Variants in PDE1C observed in about 807,000 individuals in gnomAD.
PDE1C encodes phosphodiesterase 1C.
PDE1C carries 62 observed loss-of-function variants against 93.1 expected under a neutral mutation model. That is an observed-to-expected ratio of 0.67 (90% CI 0.54 to 0.82). The LOEUF is 0.82. Among genes scored for constraint, PDE1C ranks in the 40% least tolerant of loss-of-function variants. The pLI, the probability that PDE1C is intolerant of heterozygous loss-of-function variation, is 0.00. For missense variants in PDE1C, 742 were observed against 884.6 expected (o/e 0.84, Z 2.04); for synonymous variants, 325 against 310.1 (o/e 1.05, Z -0.50).
chr7:32,327,268 T>C (rs1186483284), intron 1 of PDE1C, among the ~76,000 whole-genome samples: 2 of 152,188 alleles, frequency 1.3e-5, no homozygotes, highest in Admixed American at 6.5e-5. Context: ...AAGCATAACA[T>C]GTGCATAGAG....
At chr7:31,905,145 T>C (rs2055967688) in intron 2 of PDE1C, among the ~76,000 whole-genome samples, 1 of 152,154 alleles carries the variant, frequency 6.6e-6, no homozygotes, top group African/African-American at 2.4e-5. Flanking sequence ...CATTGTGCCA[T>C]ACAGTATTCT....
chr7:31,907,491 G>A (rs1800747463), intron 2 of PDE1C, among the ~76,000 whole-genome samples: 1 of 152,112 alleles, frequency 6.6e-6, no homozygotes, highest in African/African-American at 2.4e-5. Flanking sequence ...TGTGAGCAAC[G>A]ATGGGAATGT....
intron 1 of PDE1C, among the ~76,000 whole-genome samples, chr7:32,226,202 A>G (rs1050012767): frequency 4.6e-5 from 7 of 152,172 alleles, no homozygotes; most frequent in African/African-American, 1.7e-4. Flanking sequence ...CCCCGTCTCT[A>G]TCTGTCTGGC....
rs528734970 is a variant in PDE1C, at chr7:32,166,227, G to A, written c.308+3558C>T. Among the ~76,000 whole-genome samples the A allele has an allele frequency of 1.6e-3, 249 of 152,214 alleles. 2 individuals are homozygous for A. Among genetic ancestry groups the A allele is most frequent in the African/African-American group, 5.8e-3 (242 of 41,548 alleles). ...GGTGGTGGGGGAGAGAAAAACAGAG[G>A]TTTGAAGAAATGAAGTAATTCGCCG... On this transcript the variant is annotated intron_variant, in intron 3 of 18. Transcript: ENST00000396193.
At chr7:32,132,206 A>G (rs1287607916) in intron 3 of PDE1C, among the ~76,000 whole-genome samples, 1 of 152,162 alleles carries the variant, frequency 6.6e-6, no homozygotes, top group Non-Finnish European at 1.5e-5. Context: ...AGAAAGCAGC[A>G]GAGCTGGAGC....
At chr7:32,373,397 A>C (rs1220102478) in intron 1 of PDE1C, among the ~76,000 whole-genome samples, 2 of 152,220 alleles carry the variant, frequency 1.3e-5, no homozygotes, top group East Asian at 3.8e-4. Context: ...ATTTGTATGA[A>C]ATGTCTAGAA....
chr7:31,677,515 T>C, the PDE1C span, among the ~76,000 whole-genome samples: 1 of 152,166 alleles, frequency 6.6e-6, no homozygotes. Context: ...TGAACATAAT[T>C]CATCATACTA....
intron 2 of PDE1C, among the ~76,000 whole-genome samples, chr7:32,187,562 A>C (rs914416105): frequency 2.0e-5 from 3 of 150,006 alleles, no homozygotes; most frequent in African/African-American, 7.6e-5. Flanking sequence ...TTCTAATTTT[A>C]TGTCCAATAA....
At chr7:32,185,537 GT>G (rs1803795727) in intron 2 of PDE1C, among the ~76,000 whole-genome samples, 1 of 152,056 alleles carries the variant, frequency 6.6e-6, no homozygotes, top group Non-Finnish European at 1.5e-5. Context: ...AAAAGTCTTT[GT>G]TTTTGCTGCA....
chr7:32,034,659 G>A lies in PDE1C; in HGVS notation c.128+16895C>T, dbSNP rs1408911436. 5.9e-5 allele frequency among the ~76,000 whole-genome samples: 9 copies of A among 152,092 alleles called. No homozygotes were observed. In the East Asian group the frequency reaches 1.4e-3, roughly 23 times the overall value. On this transcript the variant is annotated intron_variant, in intron 2 of 17. Transcript: ENST00000396191. ...AAACAGTACTGATGTGAACTTTAAT[G>A]TAAACACTAAGTCATAATCCCACCT...
chr7:31,999,010 T>C (rs1343305793), intron 2 of PDE1C, among the ~76,000 whole-genome samples: 2 of 152,174 alleles, frequency 1.3e-5, no homozygotes, highest in Non-Finnish European at 2.9e-5. Context: ...AATTTGGGGC[T>C]CAGTAACAGA....
intron 1 of PDE1C, among the ~76,000 whole-genome samples, chr7:32,388,678 TAAAAA>T (rs5883343): frequency 2.5e-5 from 2 of 81,590 alleles, no homozygotes; most frequent in Non-Finnish European, 4.3e-5. Flanking sequence ...GTCCCATTTC[TAAAAA>T]AAAAAAAAAA....
intron 2 of PDE1C, among the ~76,000 whole-genome samples, chr7:31,981,240 T>A (rs1812329430): frequency 6.6e-6 from 1 of 152,228 alleles, no homozygotes; most frequent in Admixed American, 6.5e-5. Context: ...TAATATTACC[T>A]ATATAAATCT....
the PDE1C span, among the ~76,000 whole-genome samples, chr7:31,738,353 G>A: frequency 6.6e-6 from 1 of 152,200 alleles, no homozygotes; most frequent in Admixed American, 6.5e-5. Context: ...AGGTGAATGA[G>A]GAGCAAGTCA....
intron 3 of PDE1C, among the ~76,000 whole-genome samples, chr7:32,130,670 A>C (rs1799865184): frequency 2.0e-5 from 3 of 152,064 alleles, no homozygotes; most frequent in Non-Finnish European, 1.5e-5. Context: ...TTCACCAAAA[A>C]ATCTAGCCAG....
chr7:31,972,408 G>A (rs1811084942), intron 2 of PDE1C, among the ~76,000 whole-genome samples: 1 of 152,092 alleles, frequency 6.6e-6, no homozygotes, highest in South Asian at 2.1e-4. Flanking sequence ...ACTTTATCCT[G>A]AGAAAACAGA....
chr7:32,320,613 G>GCACA (rs1279102399), intron 1 of PDE1C, among the ~76,000 whole-genome samples: 1 of 134,312 alleles, frequency 7.4e-6, no homozygotes, highest in East Asian at 2.6e-4. Flanking sequence ...AGGTGCTTAG[G>GCACA]CACACACATA....
intron 1 of PDE1C, among the ~76,000 whole-genome samples, chr7:32,406,629 T>A (rs1444677981): frequency 6.6e-6 from 1 of 152,004 alleles, no homozygotes; most frequent in Admixed American, 6.6e-5. Context: ...GGGTTTCCAA[T>A]TATTGTGTAA....
At chr7:32,233,387 G>A (rs1483230356) in intron 1 of PDE1C, among the ~76,000 whole-genome samples, 1 of 152,122 alleles carries the variant, frequency 6.6e-6, no homozygotes, top group Admixed American at 6.5e-5. Context: ...TTAAAAGACA[G>A]AAATTGTGAG....
Sources: gnomAD v4.1 joint callset for allele counts (sites outside exome capture counted in the v4.1 genomes callset) on GRCh38, gnomAD v4.1.1 for gene constraint, MANE v1.5 for transcripts, NCBI Gene and HGNC (gene_info 2026-07-23, HGNC 2026-07-21) for gene names.